The following RHCE variants were observed in gnomAD, a reference collection of about 807,000 sequenced individuals.
RHCE encodes the protein Rh blood group CcEe antigens, also known as blood group Rh(CE) polypeptide.
Under a neutral mutation model 43.8 loss-of-function variants are expected in RHCE, and 22 were observed. The ratio of observed to expected loss-of-function variants is 0.50; its 90% CI spans 0.36 to 0.72. The LOEUF is 0.72. Ranked by LOEUF, RHCE falls within the 30% of genes least tolerant of loss-of-function variation. RHCE has a pLI of 0.00. For missense variants in RHCE, 385 were observed against 525.4 expected (o/e 0.73, Z 2.61); for synonymous variants, 156 against 210.7 (o/e 0.74, Z 2.25).
chr1:25,402,621 C>T lies in RHCE; in HGVS notation c.461G>A (p.Arg154Lys), dbSNP rs747471048. ...GTTGAAGATATTACTGATGACCATC[C>T]TCAGGGTGCCTAAAGCTGTCACCTC... ...LVEVTALGTLRMVISNIFNTD... is the reference protein window; with the variant it reads ...LVEVTALGTLKMVISNIFNTD... The change falls in exon 3 of 10, where the codon AGG (arginine) becomes AAG (lysine). Residue 154 changes from arginine (R) to lysine (K), a missense_variant. Coordinates refer to ENST00000294413, the MANE Select transcript of RHCE (RefSeq NM_020485.8). 6 of 1,613,966 alleles carry T rather than the reference C, an allele frequency of 3.7e-6. No individual in the cohort carries two copies. The highest frequency in any genetic ancestry group is 1.3e-5 in the African/African-American group (1 of 74,876).
At position 25,420,705 on chromosome 1, in the gene RHCE, AGAG is replaced by A. The variant is rs1233711406; in HGVS notation, c.79_81del (p.Leu27del). ...GCGTCATAGTGGGTAAAAAAATAGA[AGAG>A]GAGAATGAGAGCTGCTTCCAGTGTT... On this transcript the variant is annotated inframe_deletion, in exon 1 of 10. Coordinates refer to ENST00000294413, the MANE Select transcript of RHCE (RefSeq NM_020485.8). 6.2e-7 allele frequency: 1 copy of A among 1,613,488 alleles called. No homozygotes were observed. The highest frequency in any genetic ancestry group is 1.3e-5 in the African/African-American group (1 of 74,808).
chr1:25,424,188 C>G (rs1285248170), upstream of RHCE, among the ~76,000 whole-genome samples: 9 of 152,188 alleles, frequency 5.9e-5, no homozygotes, highest in Admixed American at 3.9e-4. Context: ...AGGTAGGTGA[C>G]ACTAAGCTAT....
chr1:25,385,957 C>T, intron 6 of RHCE, 113 bp from the exon 7 acceptor site: 1 of 1,505,176 alleles, frequency 6.6e-7, no homozygotes, highest in Non-Finnish European at 9.2e-7. Flanking sequence ...GGCACTAAGG[C>T]TCACCTCAAA....
intron 1 of RHCE, chr1:25,411,394 G>C (rs1247328570): frequency 6.5e-7 from 1 of 1,550,358 alleles, no homozygotes; most frequent in Non-Finnish European, 8.7e-7. Flanking sequence ...CTCATTACTG[G>C]AACTCTCCAA....
intron 1 of RHCE, among the ~76,000 whole-genome samples, chr1:25,412,565 A>G (rs1343695773): frequency 7.9e-5 from 12 of 151,896 alleles, no homozygotes; most frequent in Non-Finnish European, 1.6e-4. Context: ...ATACAAAATT[A>G]CTTGGGCGTG....
At position 25,411,294 on chromosome 1, in the gene RHCE, G is replaced by A. The variant is rs1238448671; in HGVS notation, c.149-2425C>T. On this transcript the variant is annotated intron_variant, in intron 1 of 9. Coordinates refer to ENST00000294413, the MANE Select transcript of RHCE (RefSeq NM_020485.8). ...CATGGAGAACACTCAATAAATAGTGGCTGTTCATCAACATCATCATGACAA... is the reference window on the plus strand; with the variant it reads ...CATGGAGAACACTCAATAAATAGTGACTGTTCATCAACATCATCATGACAA... The A allele has an allele frequency of 5.9e-5, 91 of 1,548,332 alleles. 1 individual carries two copies. In the East Asian group the frequency reaches 1.6e-3, roughly 27 times the overall value.
At chr1:25,378,800 T>C (rs553159924) in intron 7 of RHCE, among the ~76,000 whole-genome samples, 8 of 152,264 alleles carry the variant, frequency 5.3e-5, no homozygotes, top group African/African-American at 1.9e-4. Context: ...TGCCTCTTTT[T>C]TACAGGGGAA....
At chr1:25,370,623 C>A in intron 8 of RHCE, 83 bp from the exon 9 acceptor site, 15 of 1,207,184 alleles carry the variant, frequency 1.2e-5, no homozygotes, top group Admixed American at 3.6e-5. Context: ...TTGTGTGTGT[C>A]AAAACGACAG....
Position 25,390,812 on chromosome 1 carries a change from T to C in RHCE, c.738A>G (p.Ala246=), listed in dbSNP as rs762109458. ...NAMFNTYYAL[A]VSVVTAISGS... is the part of the protein sequence containing the mutation. ...CTGAGATGGCTGTCACCACACTGAC[T>C]GCTAGAGCATAGTAGGTGTTGAACA... The change falls in exon 5 of 10, where the codon GCA becomes GCG. Residue 246 remains alanine (A), a synonymous_variant. Coordinates refer to ENST00000294413, the MANE Select transcript of RHCE (RefSeq NM_020485.8). The C allele has an allele frequency of 2.0e-5, 33 of 1,614,124 alleles. No individual in the cohort carries two copies. Among genetic ancestry groups the C allele is most frequent in the Non-Finnish European group, 2.2e-5 (26 of 1,180,050 alleles).
At position 25,362,347 on chromosome 1, in the gene RHCE, T is replaced by G; in HGVS notation, c.*180A>C. The G allele has an allele frequency of 2.2e-6, 3 of 1,355,808 alleles. No homozygotes were observed. The highest frequency in any genetic ancestry group is 2.0e-6 in the Non-Finnish European group (2 of 984,272). 84.0% of individuals were successfully genotyped at this position (1,355,808 alleles called of 1,614,324 possible). On this transcript the variant is annotated 3_prime_UTR_variant, in exon 10 of 10. Transcript: ENST00000294413. ...AACATTTATTTTAAACTTATTAAAT[T>G]GACTCTTAAACTAAGTTTTTAGTCT...
intron 5 of RHCE, 115 bp from the exon 6 acceptor site, chr1:25,389,228 C>A: frequency 6.7e-7 from 1 of 1,490,486 alleles, no homozygotes; most frequent in South Asian, 1.2e-5. Context: ...CCCTGCTTTG[C>A]TGATCCTGAA....
chr1:25,391,698 C>T (rs752861291), intron 4 of RHCE, among the ~76,000 whole-genome samples: 1 of 152,158 alleles, frequency 6.6e-6, no homozygotes, highest in Non-Finnish European at 1.5e-5. Flanking sequence ...ACCTTCTTCA[C>T]TTGTCCGTTT....
chr1:25,379,493 ATATTTTTT>A (rs1645924192), intron 7 of RHCE, among the ~76,000 whole-genome samples: 1 of 17,906 alleles, frequency 5.6e-5, no homozygotes, highest in East Asian at 3.7e-3. Flanking sequence ...ATATATATAT[ATATTTTTT>A]TTTTTTTTTT....
chr1:25,420,512 A>T, intron 1 of RHCE, 127 bp downstream of exon 1: 1 of 1,584,334 alleles, frequency 6.3e-7, no homozygotes, highest in Non-Finnish European at 8.6e-7. Context: ...TCTACGGAAG[A>T]AGATGGGGGA....
In RHCE at chr1:25,392,562, CTTTTTTTTTT is replaced by C. The variant is rs1211993147; in HGVS notation, c.487-431_487-422del. ...AGGCATGAGCCACTGTGCCCGGCCT[CTTTTTTTTTT>C]TTTTTTTTTTTTTTTTGAGACAGAG... On this transcript the variant is annotated intron_variant, in intron 3 of 9. Coordinates refer to ENST00000294413, the MANE Select transcript of RHCE (RefSeq NM_020485.8). 6.0e-5 allele frequency among the ~76,000 whole-genome samples: 4 copies of C among 66,384 alleles called. 1 individual carries two copies. Among genetic ancestry groups the C allele is most frequent in the Non-Finnish European group, 8.2e-5 (3 of 36,696 alleles). 43.6% of individuals were successfully genotyped at this position (66,384 alleles called of 152,430 possible).
chr1:25,424,131 T>G (rs548866153), upstream of RHCE, among the ~76,000 whole-genome samples: 4 of 152,328 alleles, frequency 2.6e-5, no homozygotes, highest in South Asian at 2.1e-4. Context: ...TTGTGTTAGA[T>G]GATTTTGCCC....
intron 3 of RHCE, among the ~76,000 whole-genome samples, chr1:25,400,172 T>A (rs1646687708): frequency 6.6e-6 from 1 of 152,184 alleles, no homozygotes; most frequent in Non-Finnish European, 1.5e-5. Context: ...TTCTCCTCCA[T>A]TTCTCTGTTC....
chr1:25,389,401 C>T (rs1646286712), intron 5 of RHCE, among the ~76,000 whole-genome samples: 1 of 152,132 alleles, frequency 6.6e-6, no homozygotes. Context: ...ACCCATCACA[C>T]TCATTAGTGG....
chr1:25,394,424 G>C (rs1269082708), intron 3 of RHCE, among the ~76,000 whole-genome samples: 8 of 151,812 alleles, frequency 5.3e-5, no homozygotes, highest in Non-Finnish European at 2.9e-5. Context: ...CTTCAGGTCT[G>C]TACTCAAAAA....
Sources: gnomAD v4.1 joint callset for allele counts (sites outside exome capture counted in the v4.1 genomes callset) on GRCh38, gnomAD v4.1.1 for gene constraint, MANE v1.5 for transcripts, NCBI Gene and HGNC (gene_info 2026-07-23, HGNC 2026-07-21) for gene names.